Variants in FAM110B observed in about 807,000 individuals in gnomAD.
FAM110B encodes family with sequence similarity 110 member B.
In FAM110B, 6 loss-of-function variants were observed where a neutral mutation model predicts 20.4. The observed-to-expected ratio is 0.29, with a 90% CI of 0.16 to 0.58. The LOEUF is 0.58. Among genes scored for constraint, FAM110B ranks in the 20% least tolerant of loss-of-function variants. The probability of loss-of-function intolerance (pLI) is 0.90; values close to 1 mark genes in which losing one functional copy is unlikely to be tolerated. For synonymous variants in FAM110B, 226 were observed against 214.1 expected, an observed-to-expected ratio of 1.06 and a Z score of -0.49; for missense variants, 434 against 498.2, an observed-to-expected ratio of 0.87 and a Z score of 1.23.
intron 3 of FAM110B, among the ~76,000 whole-genome samples, chr8:58,118,257 C>T (rs534770685): frequency 6.6e-6 from 1 of 152,292 alleles, no homozygotes; most frequent in East Asian, 1.9e-4. Flanking sequence ...GTTGAATGAG[C>T]ATGGTCTGTC....
At chr8:58,108,208 T>C (rs937431226) in intron 3 of FAM110B, among the ~76,000 whole-genome samples, 9 of 152,356 alleles carry the variant, frequency 5.9e-5, no homozygotes, top group African/African-American at 1.9e-4. Context: ...TAAGGAATGA[T>C]TGAGCAACAA....
Position 58,030,479 on chromosome 8 carries a change from A to C in FAM110B, c.-511-1127A>C, listed in dbSNP as rs150923994. On this transcript the variant is annotated intron_variant, in intron 1 of 3. Coordinates refer to ENST00000519262, the MANE Select transcript of FAM110B (RefSeq NM_001377989.1). The stretch of plus-strand genomic sequence containing the variant: ...CTAGGTCAGGATTTACAGCCTTCCT[A>C]ATACATGTTTAGTGTATCATTCATT... Among the ~76,000 whole-genome samples, 8 of 152,316 alleles carry C rather than the reference A, an allele frequency of 5.3e-5. No individual in the cohort carries two copies. In the East Asian group the frequency reaches 1.5e-3, roughly 29 times the overall value.
chr8:58,120,421 A>C (rs1306541405), intron 3 of FAM110B, among the ~76,000 whole-genome samples: 1 of 152,186 alleles, frequency 6.6e-6, no homozygotes, highest in Non-Finnish European at 1.5e-5. Flanking sequence ...TATCCTGTAG[A>C]CTGTGGCACA....
At position 58,069,982 on chromosome 8, in the gene FAM110B, A is replaced by T. The variant is rs151134509; in HGVS notation, c.-413-5553A>T. On this transcript the variant is annotated intron_variant, in intron 2 of 3. Coordinates refer to ENST00000519262, the MANE Select transcript of FAM110B (RefSeq NM_001377989.1). ...CTCAAAATGACAGGAAATCGAGATG[A>T]TTTTGTCTATGAGGTTTAATTTATT... Among the ~76,000 whole-genome samples the T allele has an allele frequency of 3.0e-3, 452 of 152,250 alleles. 1 individual carries two copies. The highest frequency in any genetic ancestry group is 4.8e-3 in the Non-Finnish European group (324 of 68,018).
intron 1 of FAM110B, among the ~76,000 whole-genome samples, chr8:58,023,819 G>T (rs990939234): frequency 6.6e-6 from 1 of 152,174 alleles, no homozygotes; most frequent in African/African-American, 2.4e-5. Flanking sequence ...TAATGTGCTA[G>T]CTTTGAAAAC....
chr8:58,137,318 G>T (rs560452376), intron 3 of FAM110B, among the ~76,000 whole-genome samples: 1 of 152,258 alleles, frequency 6.6e-6, no homozygotes, highest in Non-Finnish European at 1.5e-5. Flanking sequence ...CCAGCACTTT[G>T]GGAGGCCAAG....
chr8:58,087,695 T>G (rs2150601338), intron 3 of FAM110B, among the ~76,000 whole-genome samples: 1 of 152,306 alleles, frequency 6.6e-6, no homozygotes, highest in South Asian at 2.1e-4. Flanking sequence ...TCAAGGCTGA[T>G]GGGGATTGAG....
At chr8:58,134,501 T>C (rs546178802) in intron 3 of FAM110B, among the ~76,000 whole-genome samples, 7 of 152,352 alleles carry the variant, frequency 4.6e-5, no homozygotes, top group Admixed American at 3.9e-4. Flanking sequence ...GACATTTTCA[T>C]TGGGCCTTTA....
intron 1 of FAM110B, among the ~76,000 whole-genome samples, chr8:58,024,146 G>A (rs1403244356): frequency 1.4e-5 from 2 of 144,582 alleles, no homozygotes; most frequent in African/African-American, 2.6e-5. Context: ...CTACATTTGA[G>A]TAAATTTAAT....
chr8:58,080,862 C>T (rs1806171166), intron 3 of FAM110B, among the ~76,000 whole-genome samples: 2 of 152,294 alleles, frequency 1.3e-5, no homozygotes, highest in Middle Eastern at 3.4e-3. Flanking sequence ...CCTTCATGTT[C>T]CTGAAATACT....
intron 3 of FAM110B, among the ~76,000 whole-genome samples, chr8:58,129,263 A>G (rs1042142637): frequency 5.3e-5 from 8 of 152,342 alleles, no homozygotes; most frequent in African/African-American, 1.7e-4. Flanking sequence ...CTCAGCTCTG[A>G]GCCAGTGGCC....
chr8:58,043,898 G>T (rs891233681), intron 2 of FAM110B, among the ~76,000 whole-genome samples: 1 of 152,160 alleles, frequency 6.6e-6, no homozygotes, highest in Non-Finnish European at 1.5e-5. Context: ...AGTGAAGCAG[G>T]TACTTGCATC....
chr8:58,146,281 C>A lies in FAM110B; in HGVS notation c.51C>A (p.Pro17=), dbSNP rs764284524. ...GTAGCATGGTGAAGCCGGTCAGCCC[C>A]GCGGGCACCTTCACCTCTGCTGTGC... ...QTGSMVKPVS[P]AGTFTSAVPL... The change falls in exon 4 of 4, where the codon CCC becomes CCA. Residue 17 remains proline, a synonymous_variant. Transcript: ENST00000519262. The A allele has an allele frequency of 1.9e-6, 3 of 1,613,496 alleles. No homozygotes were observed. Among genetic ancestry groups the A allele is most frequent in the South Asian group, 1.1e-5 (1 of 91,050 alleles).
chr8:58,039,550 A>G (rs961335184), intron 2 of FAM110B, among the ~76,000 whole-genome samples: 6 of 152,222 alleles, frequency 3.9e-5, no homozygotes, highest in Admixed American at 3.3e-4. Flanking sequence ...TCTTCTCACA[A>G]TTTTAAAAAT....
intron 3 of FAM110B, among the ~76,000 whole-genome samples, chr8:58,133,605 G>C (rs1267101118): frequency 1.3e-5 from 2 of 152,192 alleles, no homozygotes; most frequent in Non-Finnish European, 2.9e-5. Flanking sequence ...GACTCAAGGA[G>C]GGGAGGAGAT....
chr8:58,056,242 A>G (rs1437909341), intron 2 of FAM110B, among the ~76,000 whole-genome samples: 2 of 152,222 alleles, frequency 1.3e-5, no homozygotes, highest in Non-Finnish European at 2.9e-5. Flanking sequence ...TTTTTTAAAA[A>G]CTAAATTTTT....
intron 1 of FAM110B, among the ~76,000 whole-genome samples, chr8:58,029,870 G>T (rs574229279): frequency 6.6e-6 from 1 of 152,268 alleles, no homozygotes; most frequent in South Asian, 2.1e-4. Context: ...TCCATATGTG[G>T]TATTACTCCC....
intron 3 of FAM110B, among the ~76,000 whole-genome samples, chr8:58,125,189 A>T (rs1050883327): frequency 6.6e-6 from 1 of 152,150 alleles, no homozygotes; most frequent in Non-Finnish European, 1.5e-5. Context: ...CTCCACAAAA[A>T]ATATAAAAAT....
chr8:58,002,742 A>G (rs539093158), intron 1 of FAM110B, among the ~76,000 whole-genome samples: 3 of 152,356 alleles, frequency 2.0e-5, no homozygotes, highest in African/African-American at 4.8e-5. Flanking sequence ...TAAGAAAACA[A>G]TGTACATACC....
Sources: allele counts gnomAD v4.1 joint callset (sites outside exome capture counted in the v4.1 genomes callset), GRCh38; gene constraint gnomAD v4.1.1; transcripts MANE v1.5; gene names NCBI Gene and HGNC (gene_info 2026-07-23, HGNC 2026-07-21).